PNPLA8: variants seen among roughly 807,000 people sequenced by gnomAD.
PNPLA8 encodes patatin like domain 8, phospholipase A2.
A neutral mutation model predicts 76.9 loss-of-function variants in PNPLA8; 39 were observed. That is an observed-to-expected ratio of 0.51 (90% confidence interval 0.39 to 0.66). The LOEUF is 0.66. Among genes scored for constraint, PNPLA8 ranks in the 30% least tolerant of loss-of-function variants. The pLI, the probability that PNPLA8 is intolerant of heterozygous loss-of-function variation, is 0.00. For synonymous variants in PNPLA8, 301 were observed against 307.9 expected (o/e 0.98, Z 0.24); for missense variants, 887 against 918.0 (o/e 0.97, Z 0.44).
At position 108,515,475 on chromosome 7, in the gene PNPLA8, G is replaced by A. The variant is rs762037344; in HGVS notation, c.17C>T (p.Thr6Ile). Residue 6 changes from threonine to isoleucine, a missense_variant, in exon 3 of 11, where the codon ACT becomes ATT. Coordinates refer to ENST00000257694, the MANE Select transcript of PNPLA8 (RefSeq NM_001256007.3). MSINL[T>I]VDIYIYLLSN... is the part of the protein sequence containing the mutation. ...AAGGAGGTAAATATATATATCTACA[G>A]TCAGATTAATAGACATAACTTAAAA... 21 of 1,504,700 alleles carry A rather than the reference G, an allele frequency of 1.4e-5. No homozygotes were observed. The highest frequency in any genetic ancestry group is 1.9e-5 in the Non-Finnish European group (21 of 1,123,654). 93.2% of individuals were successfully genotyped at this position (1,504,700 alleles called of 1,614,324 possible). A position where few individuals can be genotyped will look rare whatever the true frequency, so the allele number is the denominator to read the frequency against.
At chr7:108,511,757 G>A (rs1862950166) in intron 4 of PNPLA8, among the ~76,000 whole-genome samples, 1 of 152,080 alleles carries the variant, frequency 6.6e-6, no homozygotes, top group African/African-American at 2.4e-5. Flanking sequence ...TTTTCAAACT[G>A]GGTACAGGAT....
At chr7:108,516,500 T>C (rs1399825443) in intron 2 of PNPLA8, among the ~76,000 whole-genome samples, 1 of 152,196 alleles carries the variant, frequency 6.6e-6, no homozygotes, top group Non-Finnish European at 1.5e-5. Flanking sequence ...AAAACTAGAA[T>C]ATAACATAGG....
intron 10 of PNPLA8, among the ~76,000 whole-genome samples, chr7:108,474,189 T>C (rs1304547250): frequency 6.6e-6 from 1 of 152,216 alleles, no homozygotes; most frequent in African/African-American, 2.4e-5. Flanking sequence ...TATCTCTTTC[T>C]TTCCTTTCTG....
chr7:108,505,331 TATATATATATATATATATATA>T (rs1214976565), intron 4 of PNPLA8, among the ~76,000 whole-genome samples: 98 of 9,640 alleles, frequency 0.01, 1 homozygote, highest in African/African-American at 0.018. Context: ...TATATATATA[TATATATATATATATATATATA>T]TTTTTTTTTT....
chr7:108,474,937 C>T (rs555748720), intron 10 of PNPLA8, among the ~76,000 whole-genome samples: 2 of 152,284 alleles, frequency 1.3e-5, no homozygotes, highest in East Asian at 3.9e-4. Flanking sequence ...ATGGGCTGCA[C>T]AGCAGGGGGT....
At chr7:108,512,301 T>C (rs1862992590) in intron 4 of PNPLA8, among the ~76,000 whole-genome samples, 1 of 152,192 alleles carries the variant, frequency 6.6e-6, no homozygotes, top group South Asian at 2.1e-4. Context: ...GTAAAATATA[T>C]TATTTTTATT....
chr7:108,486,441 T>C (rs955410771), intron 9 of PNPLA8, among the ~76,000 whole-genome samples: 8 of 152,000 alleles, frequency 5.3e-5, no homozygotes, highest in African/African-American at 1.9e-4. Context: ...GAAATCAGTA[T>C]CAGAAACTCA....
rs1359207975 is a variant in PNPLA8, at chr7:108,526,134, C to A, written c.-235G>T. 4 of 976,284 alleles carry A rather than the reference C, an allele frequency of 4.1e-6. No individual in the cohort carries two copies. The highest frequency in any genetic ancestry group is 5.2e-4 in the Middle Eastern group (1 of 1,918). The allele number at this position is 976,284 out of a possible 1,614,324, so 60.5% of individuals were successfully genotyped here. On this transcript the variant is annotated 5_prime_UTR_variant, in exon 1 of 11. Transcript: ENST00000257694. ...ATCAGCTGAGCTTCCAACACAAACA[C>A]TGGCGCAGCAGCTAGGTCGCCACCC...
intron 8 of PNPLA8, among the ~76,000 whole-genome samples, chr7:108,490,867 T>C (rs1417250324): frequency 6.6e-6 from 1 of 152,212 alleles, no homozygotes; most frequent in African/African-American, 2.4e-5. Flanking sequence ...GATGAAATAA[T>C]TCTTATTTTC....
chr7:108,503,061 T>C (rs1397044768), intron 4 of PNPLA8, among the ~76,000 whole-genome samples: 3 of 152,218 alleles, frequency 2.0e-5, no homozygotes, highest in African/African-American at 7.2e-5. Context: ...TGAACCATCT[T>C]GTATACATTG....
At chr7:108,521,601 G>A (rs1474386174) in intron 1 of PNPLA8, 80 bp from the exon 2 acceptor site, 3 of 184,840 alleles carry the variant, frequency 1.6e-5, no homozygotes, top group Admixed American at 1.3e-4. Flanking sequence ...TAAAGCGGGA[G>A]GAGGGGAAGA....
chr7:108,526,692 C>G (rs1020353989), upstream of PNPLA8, among the ~76,000 whole-genome samples: 1 of 152,158 alleles, frequency 6.6e-6, no homozygotes, highest in Non-Finnish European at 1.5e-5. Flanking sequence ...CACTCAAAAG[C>G]GAGTTGACAT....
intron 9 of PNPLA8, among the ~76,000 whole-genome samples, chr7:108,485,594 A>G (rs967589503): frequency 5.3e-5 from 8 of 152,156 alleles, no homozygotes; most frequent in African/African-American, 1.9e-4. Flanking sequence ...AGAAGGTTGT[A>G]GTACTATACT....
At chr7:108,525,081 T>C (rs1394095540) in intron 1 of PNPLA8, among the ~76,000 whole-genome samples, 1 of 151,838 alleles carries the variant, frequency 6.6e-6, no homozygotes, top group Non-Finnish European at 1.5e-5. Context: ...GATATAGAAA[T>C]AAAAAAAGAG....
At chr7:108,507,341 CAAA>C (rs66685490) in intron 4 of PNPLA8, among the ~76,000 whole-genome samples, 2 of 45,368 alleles carry the variant, frequency 4.4e-5, no homozygotes. Context: ...GACTCTGTCT[CAAA>C]AAAAAAAAAA....
chr7:108,505,761 A>C (rs1862374315), intron 4 of PNPLA8, among the ~76,000 whole-genome samples: 1 of 152,214 alleles, frequency 6.6e-6, no homozygotes, highest in Non-Finnish European at 1.5e-5. Context: ...AAAATTAAGA[A>C]TATCTGTTCA....
intron 2 of PNPLA8, among the ~76,000 whole-genome samples, chr7:108,516,174 T>C (rs910302459): frequency 1.3e-5 from 2 of 152,108 alleles, no homozygotes; most frequent in African/African-American, 4.8e-5. Flanking sequence ...GCATATAACA[T>C]AGAAGGGGTT....
rs181638084 is a variant in PNPLA8, at chr7:108,495,891, C to G, written c.1625+693G>C. 1.2e-3 allele frequency among the ~76,000 whole-genome samples: 185 copies of G among 152,232 alleles called. 3 individuals are homozygous for G. The East Asian group carries it at 0.03, about 24-fold the overall frequency. On this transcript the variant is annotated intron_variant, in intron 7 of 10. Coordinates refer to ENST00000257694, the MANE Select transcript of PNPLA8 (RefSeq NM_001256007.3). ...CGAATTTACAACTACAATCTAATAT[C>G]AGCTATACAAAATGTATAAGGTCTA...
In PNPLA8 at chr7:108,496,655, G is replaced by A. The variant is rs758248611; in HGVS notation, c.1554C>T (p.Val518=). The change falls in exon 7 of 11, where the codon GTC becomes GTT. Residue 518 remains valine, a synonymous_variant. Transcript: ENST00000257694. Reference sequence around the variant, plus strand: ...AACTCATTTTTACTGTTCCAACAATGACATTTTGTGAAAATACATCTGATC... The same window carrying A: ...AACTCATTTTTACTGTTCCAACAATAACATTTTGTGAAAATACATCTGATC... ...KLGSDVFSQN[V]IVGTVKMSWS... The A allele has an allele frequency of 6.2e-7, 1 of 1,612,194 alleles. No homozygotes were observed. Among genetic ancestry groups the A allele is most frequent in the South Asian group, 1.1e-5 (1 of 90,886 alleles).
Sources: gnomAD v4.1 joint callset for allele counts (sites outside exome capture counted in the v4.1 genomes callset) on GRCh38, gnomAD v4.1.1 for gene constraint, MANE v1.5 for transcripts, NCBI Gene and HGNC (gene_info 2026-07-23, HGNC 2026-07-21) for gene names.